The following A2M variants were observed in gnomAD, a reference collection of about 807,000 sequenced individuals.
The protein encoded by A2M is C3 and PZP-like alpha-2-macroglobulin domain-containing protein 5.
A neutral mutation model predicts 183.9 loss-of-function variants in A2M; 128 were observed. The ratio of observed to expected loss-of-function variants is 0.70; its 90% confidence interval spans 0.60 to 0.81. The LOEUF is 0.81. Ranked by LOEUF, A2M falls within the 30% of genes least tolerant of loss-of-function variation. The pLI, the probability that A2M is intolerant of heterozygous loss-of-function variation, is 0.00. For missense variants in A2M, 1,495 were observed against 1,787.6 expected, an observed-to-expected ratio of 0.84 and a Z score of 2.95; for synonymous variants, 592 against 670.8, an observed-to-expected ratio of 0.88 and a Z score of 1.81.
chr12:9,074,000 A>G (rs772755281), intron 29 of A2M, among the ~76,000 whole-genome samples: 107 of 151,654 alleles, frequency 7.1e-4, no homozygotes, highest in Non-Finnish European at 9.6e-4. Context: ...AGGCACTAGA[A>G]TCGCTTGAAC....
At chr12:9,077,564 T>A (rs762269831) in intron 26 of A2M, 137 bp downstream of exon 26, 2 of 1,480,114 alleles carry the variant, frequency 1.4e-6, no homozygotes, top group South Asian at 2.5e-5. Flanking sequence ...TTTTGTTCTA[T>A]CCCCTCTTTT....
At chr12:9,084,202 A>G (rs1948989112) in intron 22 of A2M, among the ~76,000 whole-genome samples, 1 of 152,148 alleles carries the variant, frequency 6.6e-6, no homozygotes, top group Non-Finnish European at 1.5e-5. Context: ...GGAGTTCTTT[A>G]AGCTGAAACA....
At chr12:9,112,705 T>C (rs1335489546) in intron 2 of A2M, 169 bp from the exon 3 acceptor site, 3 of 654,142 alleles carry the variant, frequency 4.6e-6, no homozygotes, top group East Asian at 2.8e-5. Context: ...ATTTTACAAA[T>C]GGGGAGACAG....
At chr12:9,108,012 C>T (rs1938437420) in intron 7 of A2M, among the ~76,000 whole-genome samples, 1 of 152,092 alleles carries the variant, frequency 6.6e-6, no homozygotes, top group Admixed American at 6.5e-5. Context: ...TCAAGTCTAC[C>T]TAGGAATACA....
At chr12:9,095,787 C>T (rs1391534401) in intron 15 of A2M, 87 bp from the exon 16 acceptor site, 8 of 1,207,506 alleles carry the variant, frequency 6.6e-6, no homozygotes, top group Non-Finnish European at 7.6e-6. Context: ...GAGTCTCGCT[C>T]TGTCGCCCAG....
At chr12:9,103,165 G>A (rs1381675915) in intron 11 of A2M, among the ~76,000 whole-genome samples, 1 of 152,158 alleles carries the variant, frequency 6.6e-6, no homozygotes, top group Non-Finnish European at 1.5e-5. Flanking sequence ...TGCTAATTAT[G>A]TTAGAATTGG....
At chr12:9,102,729 A>C (rs1050399539) in intron 11 of A2M, among the ~76,000 whole-genome samples, 6 of 152,244 alleles carry the variant, frequency 3.9e-5, no homozygotes, top group Non-Finnish European at 7.3e-5. Context: ...GACAACACAT[A>C]TATGATCACC....
In A2M at chr12:9,072,784, A is replaced by T. The variant is rs1198325703; in HGVS notation, c.3844T>A (p.Ser1282Thr). The stretch of plus-strand genomic sequence containing the variant: ...AATTTGCTGGAAAATGTCCCTGAAG[A>T]CTGGATAGTCACCTGTGCAGCCTTC... ...TGKAAQVTIQ[S>T]SGTFSSKFQV... The change falls in exon 30 of 36, where the codon TCT becomes ACT. Residue 1282 changes from serine (S) to threonine (T), a missense_variant. Transcript: ENST00000318602. The T allele has an allele frequency of 6.2e-7, 1 of 1,614,148 alleles. No individual in the cohort carries two copies. The highest frequency in any genetic ancestry group is 8.5e-7 in the Non-Finnish European group (1 of 1,180,022).
chr12:9,089,052 C>T (rs1490573497), intron 22 of A2M, 148 bp downstream of exon 22: 2 of 665,630 alleles, frequency 3.0e-6, no homozygotes, highest in African/African-American at 3.6e-5. Context: ...CTTGGCCTTC[C>T]TAAGAACTAT....
intron 10 of A2M, among the ~76,000 whole-genome samples, chr12:9,104,879 G>T (rs759938139): frequency 1.3e-5 from 2 of 152,250 alleles, no homozygotes; most frequent in South Asian, 2.1e-4. Context: ...ATAGATTAGT[G>T]TCTGAAGTCT....
intron 10 of A2M, among the ~76,000 whole-genome samples, chr12:9,104,809 C>A (rs924715709): frequency 6.6e-6 from 1 of 152,144 alleles, no homozygotes; most frequent in Non-Finnish European, 1.5e-5. Context: ...ATCTATTAAT[C>A]TATTAACTAA....
rs984152769 is a variant in A2M at position 9,091,905 on chromosome 12, T to A, written c.2241-476A>T. Among the ~76,000 whole-genome samples, 15 of 152,320 alleles carry A rather than the reference T, an allele frequency of 9.8e-5. No individual in the cohort carries two copies. In the East Asian group the frequency reaches 2.5e-3, roughly 25 times the overall value. On this transcript the variant is annotated intron_variant, in intron 18 of 35. Coordinates refer to ENST00000318602, the MANE Select transcript of A2M (RefSeq NM_000014.6). ...TCTTAGAATTAAATTTGCACAAAATTTTTTAGCTCTGATGCAATTAGATTA... is the reference window on the plus strand; with the variant it reads ...TCTTAGAATTAAATTTGCACAAAATATTTTAGCTCTGATGCAATTAGATTA...
intron 29 of A2M, among the ~76,000 whole-genome samples, chr12:9,073,938 A>C (rs889664372): frequency 5.9e-5 from 9 of 152,236 alleles, no homozygotes; most frequent in African/African-American, 2.2e-4. Context: ...AAATACAAAA[A>C]TTAGCCAGGC....
chr12:9,068,756 A>G lies in A2M; in HGVS notation c.4350T>C (p.Tyr1450=), dbSNP rs775436209. The change falls in exon 34 of 36, where the codon TAT becomes TAC. Residue 1450 remains tyrosine (Y), a synonymous_variant. Coordinates refer to ENST00000318602, the MANE Select transcript of A2M (RefSeq NM_000014.6). ...RDLKPAIVKV[Y]DYYETDEFAI... is the part of the protein sequence containing the mutation. ...CTCACTCACCCGTCTCGTAGTAATC[A>G]TAGACTTTCACTATGGCTGGTTTCA... 6.2e-7 allele frequency: 1 copy of G among 1,605,416 alleles called. No homozygotes were observed. The highest frequency in any genetic ancestry group is 8.5e-7 in the Non-Finnish European group (1 of 1,175,514).
intron 15 of A2M, 26 bp downstream of exon 15, chr12:9,098,581 G>C (rs200684518): frequency 1.3e-6 from 2 of 1,577,482 alleles, no homozygotes; most frequent in East Asian, 2.3e-5. Context: ...GGCCCTTCTT[G>C]ATTCCTGAGG....
intron 31 of A2M, among the ~76,000 whole-genome samples, chr12:9,070,783 T>A (rs1948548123): frequency 6.6e-6 from 1 of 151,972 alleles, no homozygotes; most frequent in African/African-American, 2.4e-5. Flanking sequence ...ACTCTAGACC[T>A]GATGAATCAG....
chr12:9,076,551 G>A (rs1043073890), intron 28 of A2M, among the ~76,000 whole-genome samples: 5 of 152,166 alleles, frequency 3.3e-5, no homozygotes, highest in African/African-American at 1.2e-4. Context: ...TAATTGAGAA[G>A]CATCTGCACG....
chr12:9,077,618 G>A, intron 26 of A2M, 83 bp downstream of exon 26: 1 of 1,562,848 alleles, frequency 6.4e-7, no homozygotes, highest in African/African-American at 1.4e-5. Context: ...CTTTCCCTTA[G>A]AATTTTTCAC....
intron 13 of A2M, among the ~76,000 whole-genome samples, chr12:9,100,770 C>G (rs1170153342): frequency 6.6e-6 from 1 of 152,188 alleles, no homozygotes; most frequent in Non-Finnish European, 1.5e-5. Flanking sequence ...GAAAACCAAA[C>G]ATCATATCTT....
Sources: allele counts gnomAD v4.1 joint callset (sites outside exome capture counted in the v4.1 genomes callset), GRCh38; gene constraint gnomAD v4.1.1; transcripts MANE v1.5; gene names NCBI Gene and HGNC (gene_info 2026-07-23, HGNC 2026-07-21).